The following HAGH variants were observed in gnomAD, a reference collection of about 807,000 sequenced individuals.
HAGH encodes the protein hydroxyacylglutathione hydrolase.
In HAGH, 29 loss-of-function variants were observed where a neutral mutation model predicts 35.1. That is an observed-to-expected ratio of 0.83 (90% CI 0.62 to 1.13). HAGH has a LOEUF of 1.13. Among genes scored for constraint, HAGH ranks in the 50% most tolerant of loss-of-function variants. The probability of loss-of-function intolerance (pLI) is 0.00; values close to 1 mark genes in which losing one functional copy is unlikely to be tolerated. For missense variants in HAGH, 478 were observed against 419.6 expected, an observed-to-expected ratio of 1.14 and a Z score of -1.22; for synonymous variants, 225 against 176.1, an observed-to-expected ratio of 1.28 and a Z score of -2.20.
At chr16:1,815,887 C>T (rs59518029) in intron 7 of HAGH, among the ~76,000 whole-genome samples, 5,496 of 149,478 alleles carry the variant, frequency 0.037, 340 homozygotes, top group African/African-American at 0.12. Flanking sequence ...GGCGTGTTGG[C>T]TGGCGCCTGT....
Position 1,826,744 on chromosome 16 carries a change from G to C in HAGH, c.44C>G (p.Ala15Gly). 1 of 1,189,724 alleles carries C rather than the reference G, an allele frequency of 8.4e-7. No individual in the cohort carries two copies. The highest frequency in any genetic ancestry group is 1.0e-6 in the Non-Finnish European group (1 of 961,332). The allele number at this position is 1,189,724 out of a possible 1,614,324, so 73.7% of individuals were successfully genotyped here. A position where few individuals can be genotyped will look rare whatever the true frequency, so the allele number is the denominator to read the frequency against. Residue 15 changes from alanine (A) to glycine (G), a missense_variant, in exon 1 of 9, where the codon GCG becomes GGG. By Grantham distance (60) the Ala-to-Gly change is moderately conservative (BLOSUM62 0). Transcript: ENST00000397356. ...RGLLGRRSLA[A>G]LGAACARRGL... is the part of the protein sequence containing the mutation. ...TCGGCGGGCGCAGGCGGCTCCCAGC[G>C]CGGCGAGGCTGCGGCGGCCGAGCAG...
At chr16:1,826,032 T>G (rs1371584463) in intron 1 of HAGH, among the ~76,000 whole-genome samples, 1 of 152,224 alleles carries the variant, frequency 6.6e-6, no homozygotes, top group Admixed American at 6.5e-5. Flanking sequence ...TCCCTAAAAC[T>G]GTAATTCTGA....
In HAGH at chr16:1,809,325, G is replaced by A. The variant is rs572711537; in HGVS notation, c.885C>T (p.Ala295=). ...TGAACTGGTCCTTCTCCCTGCGCACGGCCCGCATGGTGGTCACCGGGTCCG... is the reference window on the plus strand; with the variant it reads ...TGAACTGGTCCTTCTCCCTGCGCACAGCCCGCATGGTGGTCACCGGGTCCG... The part of the protein sequence containing the change: ...GETDPVTTMR[A]VRREKDQFKM... The change falls in exon 9 of 9, where the codon GCC becomes GCT. Residue 295 remains alanine (A), a synonymous_variant. Transcript: ENST00000397356. The A allele has an allele frequency of 9.6e-4, 1,548 of 1,613,654 alleles. 30 individuals carry two copies. The South Asian group carries it at 0.016, about 17-fold the overall frequency.
At chr16:1,826,677 G>T (rs1898447071) in intron 1 of HAGH, 35 bp downstream of exon 1, 2 of 978,708 alleles carry the variant, frequency 2.0e-6, no homozygotes, top group Non-Finnish European at 2.4e-6. Context: ...CGCCAGGCCC[G>T]CGTCCCCCGG....
rs187188606 is a variant in HAGH, at chr16:1,809,278, C to T, written c.*5G>A. On this transcript the variant is annotated 3_prime_UTR_variant, in exon 9 of 9. Transcript: ENST00000397356. ...CCCCAAATCCGCTGAAGGTGCAGGGCGGCCTCAGTCCCGGGGCATCTTGAA... is the reference window on the plus strand; with the variant it reads ...CCCCAAATCCGCTGAAGGTGCAGGGTGGCCTCAGTCCCGGGGCATCTTGAA... 1.3e-4 allele frequency: 210 copies of T among 1,589,552 alleles called. No homozygotes were observed. In the African/African-American group the frequency reaches 2.1e-3, roughly 16 times the overall value.
rs985361811 is a variant in HAGH, at chr16:1,809,211, G to T, written c.*72C>A. On this transcript the variant is annotated 3_prime_UTR_variant, in exon 9 of 9. Coordinates refer to ENST00000397356, the MANE Select transcript of HAGH (RefSeq NM_005326.6). ...AGGTTAAATCAAGACTGAATTTCCC[G>T]CACGGACCAGCAGGAAAGCCAGTTA... 6 of 1,016,692 alleles carry T rather than the reference G, an allele frequency of 5.9e-6. No homozygotes were observed. The South Asian group carries it at 8.8e-5, about 15-fold the overall frequency. 63.0% of individuals were successfully genotyped at this position (1,016,692 alleles called of 1,614,324 possible).
chr16:1,825,994 G>A (rs1158633536), intron 1 of HAGH, among the ~76,000 whole-genome samples: 1 of 152,244 alleles, frequency 6.6e-6, no homozygotes. Context: ...AGTCCCGCTG[G>A]AACTCTCTGC....
chr16:1,814,956 C>CACACACACACAT (rs1439671207), intron 7 of HAGH, among the ~76,000 whole-genome samples: 2 of 126,478 alleles, frequency 1.6e-5, no homozygotes, highest in Non-Finnish European at 3.3e-5. Context: ...CACACACACA[C>CACACACACACAT]ATATATATAT....
rs541031807 is a variant in HAGH, at chr16:1,814,044, T to A, written c.747+2849A>T. ...CCTCGCACCACACACAAACACCATC[T>A]TGAAAGGGAACACTGTAAATTGTTT... is the stretch of plus-strand genomic sequence containing the variant. On this transcript the variant is annotated intron_variant, in intron 7 of 8. Transcript: ENST00000397356. 1.5e-4 allele frequency among the ~76,000 whole-genome samples: 23 copies of A among 152,284 alleles called. No homozygotes were observed. In the East Asian group the frequency reaches 4.2e-3, roughly 28 times the overall value.
At chr16:1,815,669 G>C in intron 7 of HAGH, among the ~76,000 whole-genome samples, 1 of 152,176 alleles carries the variant, frequency 6.6e-6, no homozygotes, top group East Asian at 1.9e-4. Context: ...CTGTGGAGGG[G>C]ATTACACAAG....
At chr16:1,813,366 A>G (rs1897750994) in intron 7 of HAGH, among the ~76,000 whole-genome samples, 3 of 152,274 alleles carry the variant, frequency 2.0e-5, no homozygotes, top group East Asian at 1.9e-4. Flanking sequence ...CTGCATAACC[A>G]TGAGCCACAT....
chr16:1,821,218 G>A (rs1054578216), intron 3 of HAGH, among the ~76,000 whole-genome samples: 3 of 152,172 alleles, frequency 2.0e-5, no homozygotes, highest in Non-Finnish European at 4.4e-5. Context: ...TGATGACCCC[G>A]AAGAGGCTCG....
At chr16:1,819,745 G>C in intron 4 of HAGH, 152 bp downstream of exon 4, 1 of 656,224 alleles carries the variant, frequency 1.5e-6, no homozygotes, top group Non-Finnish European at 2.7e-6. Context: ...CTTGTGCCTA[G>C]ACAGAGAAGA....
At chr16:1,821,143 CAG>C (rs1179650755) in intron 3 of HAGH, among the ~76,000 whole-genome samples, 1 of 152,158 alleles carries the variant, frequency 6.6e-6, no homozygotes, top group Non-Finnish European at 1.5e-5. Context: ...CTCAGCCACA[CAG>C]GACAAGGGCC....
chr16:1,824,199 G>A (rs866777314), intron 1 of HAGH, among the ~76,000 whole-genome samples: 3 of 150,334 alleles, frequency 2.0e-5, no homozygotes, highest in South Asian at 2.1e-4. Context: ...TCCAGCCTGG[G>A]CAACAGAGTG....
chr16:1,818,661 C>T (rs60111421), intron 5 of HAGH: 5,528 of 159,168 alleles, frequency 0.035, 343 homozygotes, highest in African/African-American at 0.12. Flanking sequence ...ATGAAGGGCC[C>T]GGCCTACAGT....
intron 1 of HAGH, among the ~76,000 whole-genome samples, chr16:1,825,907 C>T (rs570054231): frequency 1.1e-4 from 17 of 152,306 alleles, no homozygotes; most frequent in African/African-American, 4.1e-4. Context: ...ATCTTGCTTC[C>T]CTTGAACTGG....
intron 7 of HAGH, 132 bp downstream of exon 7, chr16:1,816,761 C>T (rs1897910237): frequency 9.1e-6 from 6 of 659,658 alleles, no homozygotes; most frequent in Non-Finnish European, 1.6e-5. Flanking sequence ...CGAGCTGGGC[C>T]ACACTGGCCT....
At position 1,819,070 on chromosome 16, in the gene HAGH, G is replaced by A. The variant is rs370077099; in HGVS notation, c.541+45C>T. The stretch of plus-strand genomic sequence containing the variant: ...GAGCCTGCCTGGCAGGAGACACAGG[G>A]TCTTCACGAAGAACCCCCGCCCCCA... On this transcript the variant is annotated intron_variant, in intron 5 of 8. Coordinates refer to ENST00000397356, the MANE Select transcript of HAGH (RefSeq NM_005326.6). 1.3e-5 allele frequency: 15 copies of A among 1,186,118 alleles called. No homozygotes were observed. The African/African-American group carries it at 2.1e-4, about 17-fold the overall frequency. The allele number at this position is 1,186,118 out of a possible 1,614,324, so 73.5% of individuals were successfully genotyped here. A position where few individuals can be genotyped will look rare whatever the true frequency, so the allele number is the denominator to read the frequency against.
Sources: gnomAD v4.1 joint callset for allele counts (sites outside exome capture counted in the v4.1 genomes callset) on GRCh38, gnomAD v4.1.1 for gene constraint, MANE v1.5 for transcripts, NCBI Gene and HGNC (gene_info 2026-07-23, HGNC 2026-07-21) for gene names.